CADPS2: variants seen among roughly 807,000 people sequenced by gnomAD.
CADPS2 encodes the protein calcium dependent secretion activator 2.
A neutral mutation model predicts 172.5 loss-of-function variants in CADPS2; 93 were observed. The ratio of observed to expected loss-of-function variants is 0.54; its 90% CI spans 0.46 to 0.64. The LOEUF is 0.64. Among genes scored for constraint, CADPS2 ranks in the 30% least tolerant of loss-of-function variants. The pLI is 0.00. For synonymous variants in CADPS2, 546 were observed against 555.2 expected (o/e 0.98, Z 0.23); for missense variants, 1,420 against 1,565.9 (o/e 0.91, Z 1.57).
intron 20 of CADPS2, among the ~76,000 whole-genome samples, chr7:122,404,736 A>C (rs1215764595): frequency 6.6e-6 from 1 of 152,202 alleles, no homozygotes; most frequent in Non-Finnish European, 1.5e-5. Flanking sequence ...CATTTCTCTG[A>C]TGAATAATGC....
At chr7:122,395,801 AT>A (rs924490148) in intron 20 of CADPS2, among the ~76,000 whole-genome samples, 124 of 144,256 alleles carry the variant, frequency 8.6e-4, no homozygotes, top group African/African-American at 1.7e-3. Flanking sequence ...ACGAGGGAGG[AT>A]TTTTTTTTTC....
chr7:122,407,588 C>G lies in CADPS2; in HGVS notation c.2698G>C (p.Asp900His), dbSNP rs1286332279. Residue 900 changes from aspartate to histidine, a missense_variant, in exon 20 of 30, where the codon GAT becomes CAT. Physicochemically the swap from Asp to His is moderately conservative, Grantham distance 81. Transcript: ENST00000449022. Reference sequence around the variant, plus strand: ...AGCAGTTGGAAAAGAGGAAAACTATCCCAGGAGTCTTGCGGTTGAGCCTCT... The same window carrying G: ...AGCAGTTGGAAAAGAGGAAAACTATGCCAGGAGTCTTGCGGTTGAGCCTCT... The part of the protein sequence containing the change: ...ALEAQPQDSW[D>H]SFPLFQLLNN... The G allele has an allele frequency of 3.7e-6, 6 of 1,612,232 alleles. No homozygotes were observed. The highest frequency in any genetic ancestry group is 5.1e-6 in the Non-Finnish European group (6 of 1,179,138).
At chr7:122,715,427 T>C (rs544554726) in intron 2 of CADPS2, among the ~76,000 whole-genome samples, 1 of 152,198 alleles carries the variant, frequency 6.6e-6, no homozygotes, top group African/African-American at 2.4e-5. Context: ...GACACATGAA[T>C]CCATGATTGG....
intron 2 of CADPS2, among the ~76,000 whole-genome samples, chr7:122,715,687 C>A (rs1437745663): frequency 6.6e-6 from 1 of 151,570 alleles, no homozygotes; most frequent in Non-Finnish European, 1.5e-5. Context: ...GGCTTAAAAC[C>A]TCTCAACACA....
At chr7:122,617,137 A>T (rs555942245) in intron 5 of CADPS2, among the ~76,000 whole-genome samples, 2 of 152,180 alleles carry the variant, frequency 1.3e-5, no homozygotes, top group Admixed American at 6.5e-5. Flanking sequence ...CACCTCTACT[A>T]TAAGCTACTG....
At chr7:122,445,043 T>G (rs764997575) in intron 15 of CADPS2, among the ~76,000 whole-genome samples, 12 of 152,214 alleles carry the variant, frequency 7.9e-5, no homozygotes, top group Non-Finnish European at 1.8e-4. Flanking sequence ...GAACATTCAC[T>G]GAAAATCAAC....
intron 11 of CADPS2, among the ~76,000 whole-genome samples, chr7:122,487,763 A>G (rs187475524): frequency 6.6e-6 from 1 of 152,298 alleles, no homozygotes; most frequent in East Asian, 1.9e-4. Flanking sequence ...ATGGATCTGG[A>G]GGCATTCTAT....
intron 1 of CADPS2, among the ~76,000 whole-genome samples, chr7:122,854,321 T>C (rs377620531): frequency 6.6e-6 from 1 of 152,038 alleles, no homozygotes; most frequent in Non-Finnish European, 1.5e-5. Context: ...TAGTGAGCCA[T>C]GATCATGCCG....
intron 6 of CADPS2, among the ~76,000 whole-genome samples, chr7:122,595,368 C>T (rs964436391): frequency 4.6e-5 from 7 of 151,888 alleles, no homozygotes; most frequent in Non-Finnish European, 8.8e-5. Flanking sequence ...ATGTCTAATT[C>T]GATGGAACTT....
intron 1 of CADPS2, among the ~76,000 whole-genome samples, chr7:122,884,246 A>T (rs1823698401): frequency 6.6e-6 from 1 of 152,218 alleles, no homozygotes; most frequent in Non-Finnish European, 1.5e-5. Flanking sequence ...ATACCACAAC[A>T]TATACAAAAA....
intron 18 of CADPS2, among the ~76,000 whole-genome samples, chr7:122,414,911 T>A (rs1237763980): frequency 3.3e-5 from 5 of 152,220 alleles, no homozygotes. Flanking sequence ...TTTCATGTGC[T>A]TCCTCAAGAA....
chr7:122,838,105 G>A lies in CADPS2; in HGVS notation c.339+47894C>T, dbSNP rs1347683002. Reference sequence around the variant, plus strand: ...CATGATCAAGTGGGCTTCATCCCTGGGATGCAAGGCTGGTTCAACATATAC... The same window carrying A: ...CATGATCAAGTGGGCTTCATCCCTGAGATGCAAGGCTGGTTCAACATATAC... On this transcript the variant is annotated intron_variant, in intron 1 of 29. Coordinates refer to ENST00000449022, the MANE Select transcript of CADPS2 (RefSeq NM_017954.11). Among the ~76,000 whole-genome samples, 6 of 152,200 alleles carry A rather than the reference G, an allele frequency of 3.9e-5. No homozygotes were observed. In the Middle Eastern group the frequency reaches 0.01, roughly 259 times the overall value.
At chr7:122,442,058 C>T (rs1211701121) in intron 15 of CADPS2, among the ~76,000 whole-genome samples, 1 of 152,122 alleles carries the variant, frequency 6.6e-6, no homozygotes, top group East Asian at 1.9e-4. Context: ...AATTTTCTAC[C>T]TCCCCATACA....
chr7:122,819,641 C>T (rs369974553), intron 1 of CADPS2, among the ~76,000 whole-genome samples: 9 of 152,030 alleles, frequency 5.9e-5, no homozygotes, highest in East Asian at 1.9e-4. Flanking sequence ...CTCTTTTAAG[C>T]ACTCCTTTTT....
intron 6 of CADPS2, among the ~76,000 whole-genome samples, chr7:122,611,950 G>C (rs1171510799): frequency 2.0e-5 from 3 of 151,864 alleles, no homozygotes; most frequent in Non-Finnish European, 4.4e-5. Context: ...CAGAATAAAA[G>C]ACAAAATCCA....
intron 28 of CADPS2, chr7:122,332,175 T>C (rs895096910): frequency 6.6e-6 from 1 of 152,184 alleles, no homozygotes; most frequent in Non-Finnish European, 1.5e-5. Context: ...GTAAATAAAT[T>C]CTTTGAAGAA....
At position 122,673,975 on chromosome 7, in the gene CADPS2, G is replaced by C. The variant is rs7798716; in HGVS notation, c.454-10406C>G. 7.5e-3 allele frequency among the ~76,000 whole-genome samples: 1,135 copies of C among 152,256 alleles called. 13 individuals are homozygous for C. Among genetic ancestry groups the C allele is most frequent in the African/African-American group, 0.026 (1,098 of 41,544 alleles). ...GGGCTGCAGGTCCCCAACCCTGAGC[G>C]GGGAGGCGGCTGAGGCCCAGTGAGA... On this transcript the variant is annotated intron_variant, in intron 2 of 29. Transcript: ENST00000449022.
At chr7:122,439,165 T>C (rs1403500596) in intron 16 of CADPS2, among the ~76,000 whole-genome samples, 1 of 152,142 alleles carries the variant, frequency 6.6e-6, no homozygotes, top group Non-Finnish European at 1.5e-5. Context: ...CCTTTAAAAA[T>C]GTTATTACTG....
chr7:122,793,566 C>T (rs1007074046), intron 1 of CADPS2, among the ~76,000 whole-genome samples: 3 of 152,124 alleles, frequency 2.0e-5, no homozygotes, highest in Non-Finnish European at 2.9e-5. Flanking sequence ...ATCAATGGGT[C>T]TTGCTTTTTT....
Sources: gnomAD v4.1 joint callset for allele counts (sites outside exome capture counted in the v4.1 genomes callset) on GRCh38, gnomAD v4.1.1 for gene constraint, MANE v1.5 for transcripts, NCBI Gene and HGNC (gene_info 2026-07-23, HGNC 2026-07-21) for gene names.